DNAJC13: variants seen among roughly 807,000 people sequenced by gnomAD.
DNAJC13 encodes the protein DnaJ heat shock protein family (Hsp40) member C13.
A neutral mutation model predicts 290.5 loss-of-function variants in DNAJC13; 75 were observed. That is an observed-to-expected ratio of 0.26 (90% confidence interval 0.21 to 0.31). The LOEUF is 0.31. DNAJC13 is among the 10% of genes least tolerant of loss of function. The pLI is 1.00. For synonymous variants in DNAJC13, 862 were observed against 892.0 expected (o/e 0.97, Z 0.60); for missense variants, 2,260 against 2,674.5 (o/e 0.85, Z 3.42).
Position 132,456,225 on chromosome 3 carries a change from TCTTA to T in DNAJC13, c.933-5_933-2del. 6.2e-7 allele frequency: 1 copy of T among 1,607,378 alleles called. No individual in the cohort carries two copies. The highest frequency in any genetic ancestry group is 1.1e-5 in the South Asian group (1 of 89,758). ...TGCTAAAACCTTTTTTTACTTTTAA[TCTTA>T]CTTAGAGATTCCTTATTAGCAAGTT... On this transcript the variant is annotated splice_polypyrimidine_tract_variant and splice_region_variant and intron_variant, in intron 9 of 55. Coordinates refer to ENST00000260818, the MANE Select transcript of DNAJC13 (RefSeq NM_015268.4).
At chr3:132,439,993 C>G (rs1020165581) in intron 2 of DNAJC13, among the ~76,000 whole-genome samples, 1 of 152,184 alleles carries the variant, frequency 6.6e-6, no homozygotes, top group Non-Finnish European at 1.5e-5. Flanking sequence ...CGCAGTGGCT[C>G]ACGACTATAA....
chr3:132,490,855 T>G, intron 31 of DNAJC13, 42 bp from the exon 32 acceptor site: 1 of 1,456,362 alleles, frequency 6.9e-7, no homozygotes, highest in Non-Finnish European at 9.1e-7. Context: ...GAAAGTTAAC[T>G]TTAGTGTTTT....
chr3:132,477,376 G>A (rs562462487), intron 22 of DNAJC13, among the ~76,000 whole-genome samples: 1 of 152,326 alleles, frequency 6.6e-6, no homozygotes, highest in African/African-American at 2.4e-5. Flanking sequence ...TTACGAAAAT[G>A]TAAAAGGTAG....
intron 1 of DNAJC13, among the ~76,000 whole-genome samples, chr3:132,427,827 AC>A (rs146684325): frequency 0.1 from 15,849 of 152,242 alleles, 1,030 homozygotes; most frequent in South Asian, 0.17. Context: ...TTTAGTCCTC[AC>A]CATAGCCCTT....
chr3:132,528,585 T>G (rs907315801), intron 54 of DNAJC13, among the ~76,000 whole-genome samples: 3 of 152,232 alleles, frequency 2.0e-5, no homozygotes, highest in Non-Finnish European at 4.4e-5. Flanking sequence ...AGAAAAATGC[T>G]GGAAATCTTT....
At chr3:132,499,912 T>G (rs1297356231) in intron 38 of DNAJC13, 104 bp downstream of exon 38, 1 of 1,045,358 alleles carries the variant, frequency 9.6e-7, no homozygotes, top group African/African-American at 1.6e-5. Flanking sequence ...TGTAGGTTGC[T>G]GAGCTCCACC....
chr3:132,477,924 T>TG, intron 23 of DNAJC13, 32 bp downstream of exon 23: 1 of 1,602,600 alleles, frequency 6.2e-7, no homozygotes. Flanking sequence ...GTCGCATTTG[T>TG]TTTCACTGTT....
intron 20 of DNAJC13, among the ~76,000 whole-genome samples, chr3:132,472,201 G>C (rs1424480699): frequency 6.6e-6 from 1 of 152,216 alleles, no homozygotes; most frequent in Non-Finnish European, 1.5e-5. Context: ...GTCCAGCTTC[G>C]GCTCCGCATG....
intron 2 of DNAJC13, among the ~76,000 whole-genome samples, chr3:132,440,245 A>G (rs1933012606): frequency 6.6e-6 from 1 of 152,252 alleles, no homozygotes; most frequent in Non-Finnish European, 1.5e-5. Context: ...CAATGGAGCT[A>G]GATTCCATCT....
At chr3:132,477,546 T>G (rs186641020) in intron 22 of DNAJC13, among the ~76,000 whole-genome samples, 1 of 152,318 alleles carries the variant, frequency 6.6e-6, no homozygotes, top group Admixed American at 6.5e-5. Flanking sequence ...TAAAGCAGAT[T>G]TTATTCCTCC....
chr3:132,535,877 T>TC (rs1414018387), intron 55 of DNAJC13, among the ~76,000 whole-genome samples: 3 of 151,924 alleles, frequency 2.0e-5, no homozygotes, highest in Non-Finnish European at 4.4e-5. Context: ...ACCAGACACA[T>TC]CCTCAAGGAG....
At chr3:132,425,833 A>G (rs140166056) in intron 1 of DNAJC13, among the ~76,000 whole-genome samples, 48 of 152,168 alleles carry the variant, frequency 3.2e-4, no homozygotes, top group African/African-American at 1.1e-3. Context: ...AGCCATGTGT[A>G]TATACTTAAT....
chr3:132,533,428 C>T (rs969442804), intron 55 of DNAJC13, among the ~76,000 whole-genome samples: 51 of 151,446 alleles, frequency 3.4e-4, no homozygotes, highest in African/African-American at 1.0e-3. Flanking sequence ...CTTTGCCTCC[C>T]GGGTTCAAAC....
intron 19 of DNAJC13, among the ~76,000 whole-genome samples, chr3:132,466,959 A>T (rs1253348503): frequency 6.6e-6 from 1 of 152,146 alleles, no homozygotes; most frequent in Non-Finnish European, 1.5e-5. Flanking sequence ...GCATCTTGCC[A>T]CCCCTCATAA....
At position 132,528,235 on chromosome 3, in the gene DNAJC13, G is replaced by C; in HGVS notation, c.6428G>C (p.Gly2143Ala). 1 of 1,614,090 alleles carries C rather than the reference G, an allele frequency of 6.2e-7. No individual in the cohort carries two copies. The highest frequency in any genetic ancestry group is 8.5e-7 in the Non-Finnish European group (1 of 1,179,998). ...CCATACCTCTTAAAATTACTCGAAG[G>C]CATTGGCCTTGAAAACCTGGACAGC... ...LVPYLLKLLEGIGLENLDSPA... is the reference protein window; with the variant it reads ...LVPYLLKLLEAIGLENLDSPA... Residue 2143 changes from glycine to alanine, a missense_variant, in exon 54 of 56, where the codon GGC (glycine) becomes GCC (alanine). Physicochemically the swap from Gly to Ala is moderately conservative, Grantham distance 60. Around this residue, in one of 3 missense-constraint regions of DNAJC13, gnomAD observed 1,494 missense variants for 1,693.7 expected, o/e 0.88. Transcript: ENST00000260818.
At chr3:132,510,560 T>A (rs953773478) in intron 43 of DNAJC13, among the ~76,000 whole-genome samples, 20 of 152,066 alleles carry the variant, frequency 1.3e-4, no homozygotes, top group African/African-American at 4.6e-4. Context: ...GGTTGATTTG[T>A]TTGTAAAAAG....
Position 132,503,269 on chromosome 3 carries a change from G to A in DNAJC13, c.4772G>A (p.Gly1591Glu), listed in dbSNP as rs373458738. ...GTCCATGCTCTGAGTCGCCTTGGAG[G>A]GTATTTGGCTGAAGAACAAGCAACT... ...LSVHALSRLG[G>E]YLAEEQATPE... The change falls in exon 41 of 56, where the codon GGG becomes GAG. Residue 1591 changes from glycine to glutamate, a missense_variant. By Grantham distance (98) the Gly-to-Glu change is moderately conservative. Around this residue, in one of 3 missense-constraint regions of DNAJC13, gnomAD observed 1,494 missense variants for 1,693.7 expected, o/e 0.88. Transcript: ENST00000260818. 6.2e-7 allele frequency: 1 copy of A among 1,613,910 alleles called. No individual in the cohort carries two copies. Among genetic ancestry groups the A allele is most frequent in the Non-Finnish European group, 8.5e-7 (1 of 1,179,976 alleles).
At chr3:132,496,407 C>T (rs1576500097) in intron 35 of DNAJC13, 121 bp from the exon 36 acceptor site, 4 of 966,108 alleles carry the variant, frequency 4.1e-6, no homozygotes, top group Non-Finnish European at 5.8e-6. Flanking sequence ...GGAATGAATA[C>T]CTTAATATAA....
intron 52 of DNAJC13, 51 bp from the exon 53 acceptor site, chr3:132,526,090 G>A (rs767947553): frequency 2.1e-5 from 33 of 1,601,842 alleles, no homozygotes; most frequent in Non-Finnish European, 2.0e-5. Flanking sequence ...TATTTACTAT[G>A]TTATATAAAT....
Sources: allele counts gnomAD v4.1 joint callset (sites outside exome capture counted in the v4.1 genomes callset), GRCh38; gene constraint gnomAD v4.1.1; regional missense constraint gnomAD v4.1.1; transcripts MANE v1.5; gene names NCBI Gene and HGNC (gene_info 2026-07-23, HGNC 2026-07-21).